Variants in ATP8A2 observed in about 807,000 individuals in gnomAD.
ATP8A2 encodes the protein ATPase phospholipid transporting 8A2.
A neutral mutation model predicts 165.6 loss-of-function variants in ATP8A2; 100 were observed. The observed-to-expected ratio is 0.60, with a 90% confidence interval of 0.51 to 0.71. The LOEUF is 0.71. ATP8A2 is among the 30% of genes least tolerant of loss of function. The pLI is 0.00. For missense variants in ATP8A2, 1,227 were observed against 1,479.5 expected, an observed-to-expected ratio of 0.83 and a Z score of 2.80; for synonymous variants, 543 against 548.8, an observed-to-expected ratio of 0.99 and a Z score of 0.15.
intron 33 of ATP8A2, among the ~76,000 whole-genome samples, chr13:25,960,503 C>A (rs1189369239): frequency 6.6e-6 from 1 of 152,168 alleles, no homozygotes; most frequent in East Asian, 1.9e-4. Context: ...TCCAGTAGGA[C>A]CAAATGTTTG....
intron 2 of ATP8A2, among the ~76,000 whole-genome samples, chr13:25,476,742 A>T (rs1437112140): frequency 6.6e-6 from 1 of 152,268 alleles, no homozygotes; most frequent in Admixed American, 6.5e-5. Flanking sequence ...CAGTCTCAAG[A>T]TTTTCCTTCT....
chr13:25,558,154 G>A (rs1025444060), intron 13 of ATP8A2, among the ~76,000 whole-genome samples: 5 of 152,176 alleles, frequency 3.3e-5, no homozygotes, highest in African/African-American at 1.2e-4. Context: ...CACCCGCCTT[G>A]GCCTTCCAAA....
At chr13:25,435,025 G>A (rs528900012) in intron 1 of ATP8A2, among the ~76,000 whole-genome samples, 1 of 152,166 alleles carries the variant, frequency 6.6e-6, no homozygotes, top group South Asian at 2.1e-4. Flanking sequence ...TCCGTTCTGT[G>A]CTGGGGCACC....
At chr13:26,003,327 G>A (rs913164585) in intron 35 of ATP8A2, among the ~76,000 whole-genome samples, 14 of 146,872 alleles carry the variant, frequency 9.5e-5, no homozygotes, top group South Asian at 2.2e-4. Flanking sequence ...TATGTATATC[G>A]TCTTTTAAGA....
chr13:25,994,480 T>C (rs1956456179), intron 35 of ATP8A2, among the ~76,000 whole-genome samples: 1 of 152,154 alleles, frequency 6.6e-6, no homozygotes, highest in South Asian at 2.1e-4. Context: ...CATTCAACTT[T>C]TTATCATAAA....
At chr13:25,618,520 C>T (rs1173675906) in intron 24 of ATP8A2, among the ~76,000 whole-genome samples, 2 of 152,044 alleles carry the variant, frequency 1.3e-5, no homozygotes, top group Non-Finnish European at 2.9e-5. Context: ...TTGGGTTTAC[C>T]TCAGTGAAGA....
intron 2 of ATP8A2, among the ~76,000 whole-genome samples, chr13:25,477,621 A>G (rs2036030996): frequency 5.9e-5 from 9 of 152,138 alleles, no homozygotes. Flanking sequence ...CAACTCTATT[A>G]TTTTTGCAAC....
At chr13:25,804,056 A>G (rs909874051) in intron 27 of ATP8A2, among the ~76,000 whole-genome samples, 3 of 152,260 alleles carry the variant, frequency 2.0e-5, no homozygotes, top group Non-Finnish European at 4.4e-5. Flanking sequence ...TAGAGAAAAA[A>G]GCACATTAGC....
At chr13:25,528,096 A>G (rs970365826) in intron 2 of ATP8A2, among the ~76,000 whole-genome samples, 28 of 152,192 alleles carry the variant, frequency 1.8e-4, no homozygotes, top group African/African-American at 5.3e-4. Context: ...TATCACATAC[A>G]TGAGTTTTGT....
At chr13:25,635,939 G>A (rs1420931065) in intron 24 of ATP8A2, among the ~76,000 whole-genome samples, 10 of 152,132 alleles carry the variant, frequency 6.6e-5, no homozygotes, top group Non-Finnish European at 1.2e-4. Flanking sequence ...CAAAGACAGC[G>A]CACCCCCTCC....
intron 1 of ATP8A2, among the ~76,000 whole-genome samples, chr13:25,398,592 G>A (rs1340614724): frequency 2.6e-5 from 4 of 152,222 alleles, no homozygotes; most frequent in Non-Finnish European, 5.9e-5. Context: ...GCTCACTGCT[G>A]TGTCCCTAGT....
At chr13:25,964,188 T>C (rs1955724454) in intron 34 of ATP8A2, among the ~76,000 whole-genome samples, 1 of 152,222 alleles carries the variant, frequency 6.6e-6, no homozygotes, top group South Asian at 2.1e-4. Context: ...CCAGAGGTGC[T>C]TTCTAAAATG....
chr13:25,724,673 T>A (rs1485136416), intron 25 of ATP8A2, among the ~76,000 whole-genome samples: 1 of 152,180 alleles, frequency 6.6e-6, no homozygotes, highest in Non-Finnish European at 1.5e-5. Context: ...TGCTGTCTAG[T>A]CCTTGGGTCA....
At chr13:25,399,438 G>A (rs1463991620) in intron 1 of ATP8A2, among the ~76,000 whole-genome samples, 35 of 107,910 alleles carry the variant, frequency 3.2e-4, no homozygotes, top group Admixed American at 1.7e-3. Flanking sequence ...TCGCTCTGTC[G>A]CCCAGGCTGG....
intron 2 of ATP8A2, among the ~76,000 whole-genome samples, chr13:25,526,568 C>T (rs1349675011): frequency 6.6e-6 from 1 of 152,126 alleles, no homozygotes; most frequent in East Asian, 1.9e-4. Context: ...CTCTAATAAA[C>T]AATTGGAGCA....
Position 25,785,735 on chromosome 13 carries a change from G to A in ATP8A2, c.2679+10776G>A, listed in dbSNP as rs114681653. On this transcript the variant is annotated intron_variant, in intron 27 of 36. Coordinates refer to ENST00000381655, the MANE Select transcript of ATP8A2 (RefSeq NM_016529.6). ...TTCTAACTGGATTTCAGTAATAACT[G>A]CTTTAGGGTGATAGAAAGCCCAAGA... 4.0e-3 allele frequency among the ~76,000 whole-genome samples: 613 copies of A among 152,278 alleles called. 6 individuals are homozygous for A. The highest frequency in any genetic ancestry group is 0.014 in the African/African-American group (593 of 41,546).
At chr13:25,771,343 G>C (rs905433924) in intron 26 of ATP8A2, among the ~76,000 whole-genome samples, 1 of 152,098 alleles carries the variant, frequency 6.6e-6, no homozygotes, top group Non-Finnish European at 1.5e-5. Flanking sequence ...GAGGCCTGTG[G>C]GACTCGCACT....
At chr13:25,927,082 A>G (rs1409242474) in intron 33 of ATP8A2, 1 of 453,704 alleles carries the variant, frequency 2.2e-6, no homozygotes, top group Admixed American at 2.4e-5. Context: ...CCCAGTCTTC[A>G]TTCATTCACC....
At chr13:25,557,120 G>T (rs947221195) in intron 13 of ATP8A2, among the ~76,000 whole-genome samples, 1 of 152,136 alleles carries the variant, frequency 6.6e-6, no homozygotes, top group African/African-American at 2.4e-5. Context: ...GCAAGTGATT[G>T]TGTTTCTTTG....
Sources: gnomAD v4.1 joint callset for allele counts (sites outside exome capture counted in the v4.1 genomes callset) on GRCh38, gnomAD v4.1.1 for gene constraint, MANE v1.5 for transcripts, NCBI Gene and HGNC (gene_info 2026-07-23, HGNC 2026-07-21) for gene names.